Variants in CACNA1C observed in about 807,000 individuals in gnomAD.
CACNA1C encodes calcium voltage-gated channel subunit alpha1 C, also known as voltage-dependent L-type calcium channel subunit alpha-1C.
A neutral mutation model predicts 229.0 loss-of-function variants in CACNA1C; 30 were observed. That is an observed-to-expected ratio of 0.13 (90% CI 0.10 to 0.18). CACNA1C has a LOEUF of 0.18. Among genes scored for constraint, CACNA1C ranks in the 10% least tolerant of loss-of-function variants. The pLI is 1.00. For missense variants in CACNA1C, 1,658 were observed against 2,845.0 expected (o/e 0.58, Z 9.49); for synonymous variants, 1,114 against 1,132.5 (o/e 0.98, Z 0.33).
intron 3 of CACNA1C, among the ~76,000 whole-genome samples, chr12:2,371,724 C>CTTTTTTTTTTTTTTTTTTT (rs61627008): frequency 7.8e-6 from 1 of 129,016 alleles, no homozygotes. Flanking sequence ...TGACATATGG[C>CTTTTTTTTTTTTTTTTTTT]TTTTTTTTTT....
At chr12:2,073,807 C>G (rs2283273) in intron 1 of CACNA1C, among the ~76,000 whole-genome samples, 116,023 of 152,090 alleles carry the variant, frequency 0.76, 44,700 homozygotes, top group African/African-American at 0.83. Flanking sequence ...TGATTTTGCC[C>G]AGCCTATGAC....
intron 3 of CACNA1C, among the ~76,000 whole-genome samples, chr12:2,256,236 C>T (rs1437242173): frequency 6.6e-6 from 1 of 152,148 alleles, no homozygotes; most frequent in Non-Finnish European, 1.5e-5. Context: ...TAACAAGCTT[C>T]ATAGTTCAGC....
At chr12:2,216,117 G>A (rs534913835) in intron 3 of CACNA1C, among the ~76,000 whole-genome samples, 3 of 152,182 alleles carry the variant, frequency 2.0e-5, no homozygotes, top group Non-Finnish European at 2.9e-5. Context: ...CCTGGGGCAC[G>A]CCAATTAACT....
chr12:2,492,031 T>C (rs1334116326), intron 6 of CACNA1C, among the ~76,000 whole-genome samples: 1 of 152,048 alleles, frequency 6.6e-6, no homozygotes, highest in Non-Finnish European at 1.5e-5. Flanking sequence ...TAGGCAATCA[T>C]TTATTTGTTG....
intron 19 of CACNA1C, among the ~76,000 whole-genome samples, chr12:2,594,623 A>G (rs902289572): frequency 4.6e-5 from 7 of 152,176 alleles, no homozygotes; most frequent in African/African-American, 1.7e-4. Flanking sequence ...AAATATTTCA[A>G]ATATAGTTGT....
intron 3 of CACNA1C, among the ~76,000 whole-genome samples, chr12:2,246,977 T>C (rs1352920325): frequency 6.6e-6 from 1 of 152,284 alleles, no homozygotes; most frequent in South Asian, 2.1e-4. Context: ...TGCCTACACA[T>C]GCCTGCAATA....
intron 1 of CACNA1C, among the ~76,000 whole-genome samples, chr12:2,039,465 C>A (rs2049712966): frequency 6.6e-6 from 1 of 152,176 alleles, no homozygotes; most frequent in African/African-American, 2.4e-5. Flanking sequence ...ATAGATAGAG[C>A]AATCATTCAT....
intron 3 of CACNA1C, among the ~76,000 whole-genome samples, chr12:2,408,319 T>C (rs2098761682): frequency 6.6e-6 from 1 of 152,176 alleles, no homozygotes; most frequent in Non-Finnish European, 1.5e-5. Flanking sequence ...AGATGGGTGG[T>C]GATAATTGCA....
chr12:2,322,673 C>A (rs981916400), intron 3 of CACNA1C, among the ~76,000 whole-genome samples: 1 of 152,232 alleles, frequency 6.6e-6, no homozygotes, highest in African/African-American at 2.4e-5. Context: ...CTTCTGCTCA[C>A]CCCAAATGCT....
chr12:2,127,534 C>A (rs924576382), intron 3 of CACNA1C, among the ~76,000 whole-genome samples: 3 of 152,214 alleles, frequency 2.0e-5, no homozygotes, highest in Admixed American at 2.0e-4. Context: ...TAGATAACTA[C>A]AAGCAACAAA....
chr12:2,299,950 G>C (rs2094425941), intron 3 of CACNA1C, among the ~76,000 whole-genome samples: 1 of 152,212 alleles, frequency 6.6e-6, no homozygotes, highest in African/African-American at 2.4e-5. Context: ...GCACATTGTA[G>C]ATACTCAGTG....
intron 3 of CACNA1C, among the ~76,000 whole-genome samples, chr12:2,125,279 C>CGG (rs1565849133): frequency 6.6e-6 from 1 of 151,822 alleles, no homozygotes; most frequent in East Asian, 1.9e-4. Flanking sequence ...ATTGGCCTGA[C>CGG]TGAGAAGAGC....
intron 3 of CACNA1C, among the ~76,000 whole-genome samples, chr12:2,352,666 A>G (rs868309355): frequency 7.6e-6 from 1 of 131,732 alleles, no homozygotes; most frequent in African/African-American, 2.8e-5. Flanking sequence ...TAACCCTGAC[A>G]TACCTCTTGG....
intron 3 of CACNA1C, among the ~76,000 whole-genome samples, chr12:2,395,767 G>A (rs1216854285): frequency 6.6e-6 from 1 of 152,118 alleles, no homozygotes; most frequent in African/African-American, 2.4e-5. Flanking sequence ...TATGATCTGA[G>A]AAAAGGTAGC....
At position 2,585,534 on chromosome 12, in the gene CACNA1C, TGCTG is replaced by T. The variant is rs1387054657; in HGVS notation, c.2460+40_2460+43del. On this transcript the variant is annotated intron_variant, in intron 17 of 46. Coordinates refer to ENST00000399655, the MANE Select transcript of CACNA1C (RefSeq NM_000719.7). The surrounding 1 kb of genome is among the most constrained non-coding windows in gnomAD (Gnocchi z 4.1). ...CTCCTTCCTGGAGCTGTGAGGCCGG[TGCTG>T]GGGAGGGAGGGCCACAGCCTTCCCA... is the stretch of plus-strand genomic sequence containing the variant. The T allele has an allele frequency of 6.6e-7, 1 of 1,518,226 alleles. No individual in the cohort carries two copies. The highest frequency in any genetic ancestry group is 1.3e-5 in the South Asian group (1 of 77,468). 94.0% of individuals were successfully genotyped at this position (1,518,226 alleles called of 1,614,324 possible).
intron 1 of CACNA1C, among the ~76,000 whole-genome samples, chr12:2,043,770 C>T (rs1035304051): frequency 7.1e-6 from 1 of 141,506 alleles, no homozygotes; most frequent in African/African-American, 2.8e-5. Context: ...ATTCTCCTGC[C>T]TCAGCCTCCC....
intron 3 of CACNA1C, among the ~76,000 whole-genome samples, chr12:2,328,366 G>A (rs2096413654): frequency 6.6e-6 from 1 of 151,952 alleles, no homozygotes; most frequent in South Asian, 2.1e-4. Flanking sequence ...TAGCAGTGAA[G>A]TCACTAGGAT....
At chr12:2,662,036 A>T (rs879006402) in intron 34 of CACNA1C, among the ~76,000 whole-genome samples, 1 of 152,132 alleles carries the variant, frequency 6.6e-6, no homozygotes, top group African/African-American at 2.4e-5. Context: ...AGGTCAGGAG[A>T]TCGAGACCAT....
intron 1 of CACNA1C, among the ~76,000 whole-genome samples, chr12:2,072,874 C>G (rs2154525008): frequency 6.6e-6 from 1 of 152,236 alleles, no homozygotes; most frequent in South Asian, 2.1e-4. Flanking sequence ...GAGCTTGGCA[C>G]TGTAATAGCC....
Sources: gnomAD v4.1 joint callset for allele counts (sites outside exome capture counted in the v4.1 genomes callset) on GRCh38, gnomAD v4.1.1 for gene constraint, Gnocchi (gnomAD v3.1) non-coding constraint, MANE v1.5 for transcripts, NCBI Gene and HGNC (gene_info 2026-07-23, HGNC 2026-07-21) for gene names.